Variants in XNDC1N observed in about 807,000 individuals in gnomAD.
XNDC1N encodes the protein protein XNDC1N.
the XNDC1N span, chr11:71,903,086 G>A: frequency 1.8e-6 from 1 of 557,838 alleles, no homozygotes; most frequent in South Asian, 1.8e-5. Flanking sequence ...CATTACTTGT[G>A]AATTGCTTCT....
the XNDC1N span, among the ~76,000 whole-genome samples, chr11:71,901,959 T>A: frequency 6.6e-6 from 1 of 152,118 alleles, no homozygotes; most frequent in African/African-American, 2.4e-5. Context: ...GACCTGAAGT[T>A]CTGCTTTCCC....
chr11:71,882,477 C>T, the XNDC1N span, among the ~76,000 whole-genome samples: 4 of 152,182 alleles, frequency 2.6e-5, no homozygotes, highest in African/African-American at 4.8e-5. Context: ...GTGATCTGCC[C>T]GCCTTGGCCT....
At chr11:71,867,393 A>G in the XNDC1N span, among the ~76,000 whole-genome samples, 774 of 152,320 alleles carry the variant, frequency 5.1e-3, 11 homozygotes, top group African/African-American at 0.018. Flanking sequence ...GCCCAAGACC[A>G]AGGAAAACTG....
chr11:71,874,782 A>G, the XNDC1N span, among the ~76,000 whole-genome samples: 1 of 152,170 alleles, frequency 6.6e-6, no homozygotes, highest in Non-Finnish European at 1.5e-5. Context: ...CAACTGATGG[A>G]GTGATTTTAC....
At chr11:71,888,088 T>A in the XNDC1N span, among the ~76,000 whole-genome samples, 1 of 152,170 alleles carries the variant, frequency 6.6e-6, no homozygotes, top group Non-Finnish European at 1.5e-5. Flanking sequence ...AGTAGGTTGA[T>A]GACCTTCTGC....
the XNDC1N span, among the ~76,000 whole-genome samples, chr11:71,889,705 C>G: frequency 6.6e-5 from 10 of 152,204 alleles, no homozygotes; most frequent in African/African-American, 2.4e-4. Flanking sequence ...TACCTGCCGA[C>G]AGCATGATAT....
At chr11:71,896,046 G>T in the XNDC1N span, among the ~76,000 whole-genome samples, 1 of 152,198 alleles carries the variant, frequency 6.6e-6, no homozygotes, top group South Asian at 2.1e-4. Context: ...AAGAGGCCGA[G>T]TCACACAGAT....
At chr11:71,919,605 G>GTTTTTTTTTTT in the XNDC1N span, among the ~76,000 whole-genome samples, 2 of 10,906 alleles carry the variant, frequency 1.8e-4, no homozygotes, top group African/African-American at 2.3e-4. Context: ...GGCCAGGTTG[G>GTTTTTTTTTTT]TTTTTTTTTT....
At chr11:71,881,589 G>A in the XNDC1N span, among the ~76,000 whole-genome samples, 30 of 151,702 alleles carry the variant, frequency 2.0e-4, no homozygotes, top group African/African-American at 6.8e-4. Context: ...CAGCCATATT[G>A]CACGAGGGCC....
chr11:71,912,737 C>A, the XNDC1N span, among the ~76,000 whole-genome samples: 1 of 152,044 alleles, frequency 6.6e-6, no homozygotes, highest in African/African-American at 2.4e-5. Context: ...ATATTAGGAA[C>A]AATATCAGGA....
chr11:71,919,382 C>A, the XNDC1N span, among the ~76,000 whole-genome samples: 1 of 108,426 alleles, frequency 9.2e-6, no homozygotes, highest in Non-Finnish European at 1.7e-5. Context: ...TTTCGGAAAG[C>A]AGAGCTCTTT....
chr11:71,912,800 G>A, the XNDC1N span, among the ~76,000 whole-genome samples: 2 of 152,052 alleles, frequency 1.3e-5, no homozygotes, highest in African/African-American at 4.8e-5. Context: ...CTCTCCCCTA[G>A]ATATTAGGAA....
the XNDC1N span, among the ~76,000 whole-genome samples, chr11:71,870,145 G>A: frequency 1.3e-5 from 2 of 152,192 alleles, no homozygotes; most frequent in African/African-American, 4.8e-5. Flanking sequence ...CCATGATTAA[G>A]TTATCTCCTT....
At chr11:71,878,793 C>T in the XNDC1N span, among the ~76,000 whole-genome samples, 1 of 151,526 alleles carries the variant, frequency 6.6e-6, no homozygotes, top group African/African-American at 2.4e-5. Flanking sequence ...CTAGACCAGC[C>T]CGGTGGGGGC....
At chr11:71,867,811 C>G in the XNDC1N span, among the ~76,000 whole-genome samples, 2 of 152,092 alleles carry the variant, frequency 1.3e-5, no homozygotes, top group African/African-American at 4.8e-5. Flanking sequence ...TCCATTTGGT[C>G]AAGTGTTGAG....
the XNDC1N span, among the ~76,000 whole-genome samples, chr11:71,907,376 A>G: frequency 2.0e-5 from 3 of 151,638 alleles, no homozygotes; most frequent in African/African-American, 4.8e-5. Flanking sequence ...GGGGAGTAAG[A>G]GCCAGCCCCT....
chr11:71,914,333 C>T, the XNDC1N span: 5 of 456,046 alleles, frequency 1.1e-5, no homozygotes, highest in East Asian at 1.4e-4. Context: ...TGATTCCAAC[C>T]CTCCTAGTGG....
the XNDC1N span, among the ~76,000 whole-genome samples, chr11:71,880,465 C>T: frequency 6.6e-6 from 1 of 152,142 alleles, no homozygotes; most frequent in Non-Finnish European, 1.5e-5. Flanking sequence ...TTCCAAAAGT[C>T]AACTTTTTGT....
At chr11:71,921,206 G>C in the XNDC1N span, among the ~76,000 whole-genome samples, 8 of 152,106 alleles carry the variant, frequency 5.3e-5, no homozygotes, top group South Asian at 1.7e-3. Context: ...CTAGGGTATA[G>C]TGCAGTCGCA....
Sources: gnomAD v4.1 joint callset for allele counts (sites outside exome capture counted in the v4.1 genomes callset) on GRCh38, gnomAD v4.1.1 for gene constraint, MANE v1.5 for transcripts, NCBI Gene and HGNC (gene_info 2026-07-23, HGNC 2026-07-21) for gene names.